Variants in KLHL29 observed in about 807,000 individuals in gnomAD.
KLHL29 encodes the protein kelch-like protein 29.
Under a neutral mutation model 80.4 loss-of-function variants are expected in KLHL29, and 21 were observed. The observed-to-expected ratio is 0.26, with a 90% CI of 0.19 to 0.38. KLHL29 has a LOEUF of 0.38. Ranked by LOEUF, KLHL29 falls within the 10% of genes least tolerant of loss-of-function variation. The pLI is 1.00. For missense variants in KLHL29, 867 were observed against 1,223.9 expected (o/e 0.71, Z 4.35); for synonymous variants, 511 against 526.8 (o/e 0.97, Z 0.41).
At chr2:23,496,722 A>C (rs1011603980) in intron 2 of KLHL29, among the ~76,000 whole-genome samples, 2 of 152,218 alleles carry the variant, frequency 1.3e-5, no homozygotes, top group Non-Finnish European at 2.9e-5. Context: ...TTTCTCTGGC[A>C]TGCTTCCTCT....
chr2:23,403,263 G>A (rs1294405804), intron 1 of KLHL29, among the ~76,000 whole-genome samples: 4 of 152,264 alleles, frequency 2.6e-5, no homozygotes, highest in African/African-American at 9.6e-5. Flanking sequence ...ATGTGTTTAC[G>A]TCCATGCTGA....
intron 8 of KLHL29, among the ~76,000 whole-genome samples, chr2:23,694,658 C>T (rs567284039): frequency 6.6e-6 from 1 of 152,354 alleles, no homozygotes; most frequent in East Asian, 1.9e-4. Flanking sequence ...TGTTACATCT[C>T]GTAAGAATAA....
At chr2:23,404,011 G>C (rs1219582972) in intron 1 of KLHL29, among the ~76,000 whole-genome samples, 1 of 152,092 alleles carries the variant, frequency 6.6e-6, no homozygotes, top group Non-Finnish European at 1.5e-5. Context: ...TTCCATGATA[G>C]TCTCCTTGGC....
At chr2:23,389,023 T>C (rs1666254072) in intron 1 of KLHL29, among the ~76,000 whole-genome samples, 1 of 148,640 alleles carries the variant, frequency 6.7e-6, no homozygotes, top group Admixed American at 6.7e-5. Context: ...ATCCCAGTAC[T>C]GTTATGGCTT....
chr2:23,550,970 G>T (rs1667108436), intron 2 of KLHL29, among the ~76,000 whole-genome samples: 3 of 152,230 alleles, frequency 2.0e-5, no homozygotes, highest in Non-Finnish European at 4.4e-5. Flanking sequence ...CAAAAGACTG[G>T]GATCGTGTGT....
At chr2:23,499,017 C>T (rs1653758) in intron 2 of KLHL29, among the ~76,000 whole-genome samples, 62,829 of 152,120 alleles carry the variant, frequency 0.41, 13,514 homozygotes, top group Non-Finnish European at 0.46. Context: ...CTTTCGTGGC[C>T]ATAAGAATTG....
intron 11 of KLHL29, chr2:23,698,009 T>A (rs936933309): frequency 2.6e-5 from 4 of 152,226 alleles, no homozygotes; most frequent in African/African-American, 9.6e-5. Flanking sequence ...TTTGCAAACT[T>A]ATACTGTTGA....
intron 2 of KLHL29, among the ~76,000 whole-genome samples, chr2:23,485,200 C>T (rs1238641877): frequency 2.0e-5 from 3 of 152,206 alleles, no homozygotes; most frequent in Admixed American, 6.5e-5. Context: ...GTGCTCCTGG[C>T]CCCTCAGCCC....
At chr2:23,563,927 C>A (rs1667519409) in intron 3 of KLHL29, among the ~76,000 whole-genome samples, 1 of 152,258 alleles carries the variant, frequency 6.6e-6, no homozygotes, top group South Asian at 2.1e-4. Context: ...CAAACACATT[C>A]CTCCCCTGGG....
At position 23,434,380 on chromosome 2, in the gene KLHL29, G is replaced by T. The variant is rs927216781; in HGVS notation, c.-153-41180G>T. ...CGTGAGTCATGGCCCAAATCCAGGA[G>T]CCCTGGGCTCTGACAAAGTGCAGAG... On this transcript the variant is annotated intron_variant, in intron 1 of 13. Coordinates refer to ENST00000486442, the MANE Select transcript of KLHL29 (RefSeq NM_052920.2). Among the ~76,000 whole-genome samples, 13 of 140,630 alleles carry T rather than the reference G, an allele frequency of 9.2e-5. No individual in the cohort carries two copies. The South Asian group carries it at 9.4e-4, about 10-fold the overall frequency. The allele number at this position is 140,630 out of a possible 152,430, so 92.3% of individuals were successfully genotyped here.
At position 23,693,562 on chromosome 2, in the gene KLHL29, TG is replaced by T. The variant is rs957284021; in HGVS notation, c.1542+37del. ...TGCCCTGTCCCCCGCCCCTTCTCTC[TG>T]GGTTTGGGGTCCCCCTGCGGCAATG... is the stretch of plus-strand genomic sequence containing the variant. On this transcript the variant is annotated intron_variant, in intron 8 of 13. Coordinates refer to ENST00000486442, the MANE Select transcript of KLHL29 (RefSeq NM_052920.2). 4.6e-6 allele frequency: 7 copies of T among 1,535,044 alleles called. No individual in the cohort carries two copies. The African/African-American group carries it at 9.6e-5, about 21-fold the overall frequency.
intron 3 of KLHL29, among the ~76,000 whole-genome samples, chr2:23,621,037 A>G (rs1453721693): frequency 6.6e-6 from 1 of 152,228 alleles, no homozygotes; most frequent in Admixed American, 6.5e-5. Flanking sequence ...TGGCAGCTTG[A>G]GGCACACACT....
chr2:23,571,822 C>A (rs944532021), intron 3 of KLHL29, among the ~76,000 whole-genome samples: 3 of 152,032 alleles, frequency 2.0e-5, no homozygotes, highest in Non-Finnish European at 4.4e-5. Context: ...TTGCTCTAGG[C>A]TTCTTGTGTG....
Position 23,480,989 on chromosome 2 carries a change from C to T in KLHL29, c.-46+5322C>T, listed in dbSNP as rs576579039. Among the ~76,000 whole-genome samples, 16 of 152,360 alleles carry T rather than the reference C, an allele frequency of 1.1e-4. No individual in the cohort carries two copies. The South Asian group carries it at 3.3e-3, about 32-fold the overall frequency. ...TTCTCCCGAGCCACTGTCATAGGAT[C>T]TCATGGACCCACAAATCATGTTGTA... On this transcript the variant is annotated intron_variant, in intron 2 of 13. Transcript: ENST00000486442.
At chr2:23,551,387 C>A (rs1667119197) in intron 2 of KLHL29, among the ~76,000 whole-genome samples, 1 of 152,052 alleles carries the variant, frequency 6.6e-6, no homozygotes, top group African/African-American at 2.4e-5. Flanking sequence ...GCCAGATTTT[C>A]TCAAAGCAAA....
chr2:23,670,917 G>GCTCTCTCT (rs1553353334), intron 5 of KLHL29, among the ~76,000 whole-genome samples: 1 of 18,568 alleles, frequency 5.4e-5, no homozygotes, highest in African/African-American at 1.6e-4. Flanking sequence ...ACATGCACGC[G>GCTCTCTCT]CTCTCTCTCT....
chr2:23,692,156 A>G (rs1671651773), intron 7 of KLHL29, among the ~76,000 whole-genome samples: 1 of 152,270 alleles, frequency 6.6e-6, no homozygotes, highest in Non-Finnish European at 1.5e-5. Context: ...AAATGGCACC[A>G]TGAGGGCTGT....
intron 2 of KLHL29, among the ~76,000 whole-genome samples, chr2:23,544,270 G>A (rs532106717): frequency 1.5e-3 from 229 of 152,294 alleles, no homozygotes; most frequent in Non-Finnish European, 2.5e-3. Context: ...ACCAGAGGCC[G>A]GGTATTGCCT....
chr2:23,487,023 G>C (rs992007251), intron 2 of KLHL29, among the ~76,000 whole-genome samples: 2 of 152,174 alleles, frequency 1.3e-5, no homozygotes, highest in Non-Finnish European at 2.9e-5. Context: ...CTGAGGTTTA[G>C]AGACTAAATA....
Sources: allele counts gnomAD v4.1 joint callset (sites outside exome capture counted in the v4.1 genomes callset), GRCh38; gene constraint gnomAD v4.1.1; transcripts MANE v1.5; gene names NCBI Gene and HGNC (gene_info 2026-07-23, HGNC 2026-07-21).